Variants in ARHGAP10 observed in about 807,000 individuals in gnomAD.
The protein encoded by ARHGAP10 is rho GTPase-activating protein 10.
A neutral mutation model predicts 108.6 loss-of-function variants in ARHGAP10; 87 were observed. The ratio of observed to expected loss-of-function variants is 0.80; its 90% CI spans 0.67 to 0.96. The LOEUF (loss-of-function observed/expected upper bound fraction) is 0.96, where lower values mean the gene tolerates loss of function less well. ARHGAP10 is among the 40% of genes least tolerant of loss of function. ARHGAP10 has a pLI of 0.00. For synonymous variants in ARHGAP10, 347 were observed against 341.1 expected (o/e 1.02, Z -0.19); for missense variants, 939 against 954.5 (o/e 0.98, Z 0.21).
At chr4:147,803,302 T>C (rs1731653684) in intron 1 of ARHGAP10, among the ~76,000 whole-genome samples, 2 of 152,148 alleles carry the variant, frequency 1.3e-5, no homozygotes. Context: ...AGCCACTGCA[T>C]CCAGCCTATT....
Position 147,732,451 on chromosome 4 carries a change from G to A in ARHGAP10, c.150G>A (p.Thr50=), listed in dbSNP as rs747856756. Residue 50 remains threonine (T), a synonymous_variant, in exon 1 of 23, where the codon ACG becomes ACA. Coordinates refer to ENST00000336498, the MANE Select transcript of ARHGAP10 (RefSeq NM_024605.4). ...ACGGGAAGAACCTCATCGCTGCGAC[G>A]AAAAGTAAGCGGGGACGCGGGCGCG... ...IKDGKNLIAA[T]KSLSVAQRKF... 6.2e-7 allele frequency: 1 copy of A among 1,611,882 alleles called. No homozygotes were observed.
rs1213784720 is a variant in ARHGAP10, at chr4:148,047,005, C to A, written c.1981C>A (p.His661Asn). Reference protein sequence around the residue: ...VPGPPGPDKNHLLADGGSFGD... With the variant: ...VPGPPGPDKNNLLADGGSFGD... ...TGGGCCTCCTGGACCAGACAAAAAC[C>A]ACCTTCTGGCAGATGGAGGGAGCTT... The change falls in exon 20 of 23, where the codon CAC becomes AAC. Residue 661 changes from histidine (H) to asparagine (N), a missense_variant. By Grantham distance (68) the His-to-Asn change is moderately conservative. Coordinates refer to ENST00000336498, the MANE Select transcript of ARHGAP10 (RefSeq NM_024605.4). The A allele has an allele frequency of 6.2e-7, 1 of 1,614,154 alleles. No homozygotes were observed. Among genetic ancestry groups the A allele is most frequent in the Admixed American group, 1.7e-5 (1 of 60,022 alleles).
chr4:147,821,100 C>T (rs535922876), intron 1 of ARHGAP10, among the ~76,000 whole-genome samples: 92 of 152,198 alleles, frequency 6.0e-4, no homozygotes, highest in African/African-American at 2.0e-3. Flanking sequence ...GGCAACTATA[C>T]GGGGCCACTG....
At chr4:147,752,140 C>T (rs765503497) in intron 1 of ARHGAP10, among the ~76,000 whole-genome samples, 49 of 152,168 alleles carry the variant, frequency 3.2e-4, no homozygotes, top group Non-Finnish European at 6.6e-4. Flanking sequence ...GCCTTGGCCT[C>T]CCAAAGTGCT....
chr4:148,059,805 C>T (rs1033491400), intron 20 of ARHGAP10, among the ~76,000 whole-genome samples: 3 of 152,192 alleles, frequency 2.0e-5, no homozygotes, highest in Admixed American at 2.0e-4. Context: ...AGCCAACAGC[C>T]TCTATTAATC....
At chr4:147,757,902 C>G (rs17023761) in intron 1 of ARHGAP10, among the ~76,000 whole-genome samples, 1 of 152,104 alleles carries the variant, frequency 6.6e-6, no homozygotes, top group African/African-American at 2.4e-5. Context: ...CAGGTGTGCC[C>G]GAGACTGCTA....
Position 148,041,118 on chromosome 4 carries a change from C to A in ARHGAP10, c.1868-5774C>A, listed in dbSNP as rs557090876. ...ATTAAATTCAACTAATATATTAGAT[C>A]TTTTCTTTTTATGCATTTTTCTTTC... On this transcript the variant is annotated intron_variant, in intron 19 of 22. Coordinates refer to ENST00000336498, the MANE Select transcript of ARHGAP10 (RefSeq NM_024605.4). Among the ~76,000 whole-genome samples the A allele has an allele frequency of 2.6e-5, 4 of 152,306 alleles. No homozygotes were observed. In the South Asian group the frequency reaches 8.3e-4, roughly 32 times the overall value.
chr4:147,962,304 G>A (rs562065626), intron 16 of ARHGAP10, among the ~76,000 whole-genome samples: 72 of 152,304 alleles, frequency 4.7e-4, no homozygotes, highest in Non-Finnish European at 7.1e-4. Context: ...CCATCGTAGC[G>A]CTCAAATAAT....
chr4:148,010,541 AT>A (rs1440647931), intron 18 of ARHGAP10, among the ~76,000 whole-genome samples: 1 of 152,218 alleles, frequency 6.6e-6, no homozygotes, highest in Non-Finnish European at 1.5e-5. Flanking sequence ...CCTTTATAGT[AT>A]AATTCTATTA....
chr4:147,968,866 C>T (rs1739298054), intron 18 of ARHGAP10, among the ~76,000 whole-genome samples: 1 of 152,176 alleles, frequency 6.6e-6, no homozygotes, highest in East Asian at 1.9e-4. Context: ...AATATTCCAG[C>T]TCCTGTGGGA....
At chr4:147,848,406 C>G (rs1482772083) in intron 4 of ARHGAP10, among the ~76,000 whole-genome samples, 3 of 152,234 alleles carry the variant, frequency 2.0e-5, no homozygotes, top group Admixed American at 6.5e-5. Flanking sequence ...GGGTTGTCCC[C>G]TCTGGCTTTG....
intron 10 of ARHGAP10, among the ~76,000 whole-genome samples, chr4:147,892,217 A>G (rs1445784939): frequency 6.6e-6 from 1 of 152,196 alleles, no homozygotes; most frequent in African/African-American, 2.4e-5. Context: ...TATCTGAAGC[A>G]CTGGCGTTTT....
chr4:147,978,333 C>G (rs1415589433), intron 18 of ARHGAP10, among the ~76,000 whole-genome samples: 2 of 152,092 alleles, frequency 1.3e-5, no homozygotes, highest in Admixed American at 6.6e-5. Flanking sequence ...CTCACTAGCA[C>G]CTTATTTTTT....
rs553335139 is a variant in ARHGAP10 at position 148,023,117 on chromosome 4, C to G, written c.1717-146C>G. On this transcript the variant is annotated intron_variant, in intron 18 of 22. Transcript: ENST00000336498. ...TTAAAAAAATAAAAGGCTATGACCT[C>G]TTCCCTTCATTGGAAGGAATGGATT... 6.4e-6 allele frequency: 5 copies of G among 776,890 alleles called. No individual in the cohort carries two copies. The East Asian group carries it at 1.4e-4, about 21-fold the overall frequency. The allele number at this position is 776,890 out of a possible 1,614,324, so 48.1% of individuals were successfully genotyped here.
intron 1 of ARHGAP10, among the ~76,000 whole-genome samples, chr4:147,769,982 G>T (rs891516778): frequency 3.9e-5 from 6 of 152,196 alleles, no homozygotes. Flanking sequence ...TTATGCACAT[G>T]TTCCAGATAA....
chr4:148,051,179 G>A (rs943865426), intron 20 of ARHGAP10, among the ~76,000 whole-genome samples: 1 of 152,208 alleles, frequency 6.6e-6, no homozygotes, highest in African/African-American at 2.4e-5. Context: ...TGATGTTCAT[G>A]ACTTGTGGGT....
intron 18 of ARHGAP10, among the ~76,000 whole-genome samples, chr4:147,986,125 A>G (rs535584806): frequency 2.0e-5 from 3 of 151,958 alleles, no homozygotes; most frequent in African/African-American, 7.2e-5. Context: ...AAAAAAGGTC[A>G]TGTGACTTTT....
At chr4:147,911,747 A>G (rs751472517) in intron 12 of ARHGAP10, among the ~76,000 whole-genome samples, 9 of 152,228 alleles carry the variant, frequency 5.9e-5, no homozygotes, top group Non-Finnish European at 1.3e-4. Flanking sequence ...CATCTATATT[A>G]GAAAAAGTAT....
At chr4:147,990,977 T>C (rs769186109) in intron 18 of ARHGAP10, among the ~76,000 whole-genome samples, 13 of 151,870 alleles carry the variant, frequency 8.6e-5, no homozygotes, top group Non-Finnish European at 1.5e-4. Flanking sequence ...GATCACACCA[T>C]ACACTGCAGC....
Sources: allele counts gnomAD v4.1 joint callset (sites outside exome capture counted in the v4.1 genomes callset), GRCh38; gene constraint gnomAD v4.1.1; transcripts MANE v1.5; gene names NCBI Gene and HGNC (gene_info 2026-07-23, HGNC 2026-07-21).